GPR89B: variants seen among roughly 807,000 people sequenced by gnomAD.
GPR89B encodes golgi pH regulator B, also known as G protein-coupled receptor 89B.
GPR89B carries 25 observed loss-of-function variants against 52.4 expected under a neutral mutation model. The observed-to-expected ratio is 0.48, with a 90% confidence interval of 0.35 to 0.67. The LOEUF (loss-of-function observed/expected upper bound fraction) is 0.67. Ranked by LOEUF, GPR89B falls within the 30% of genes least tolerant of loss-of-function variation. GPR89B has a pLI of 0.01. For missense variants in GPR89B, 146 were observed against 450.2 expected, an observed-to-expected ratio of 0.32 and a Z score of 6.11; for synonymous variants, 52 against 151.2, an observed-to-expected ratio of 0.34 and a Z score of 4.81.
intron 7 of GPR89B, among the ~76,000 whole-genome samples, chr1:147,961,977 G>A (rs1414691115): frequency 6.6e-6 from 1 of 151,666 alleles, no homozygotes; most frequent in African/African-American, 2.4e-5. Flanking sequence ...TGTACAGAAA[G>A]GCAAAATAAC....
chr1:147,978,205 G>C (rs1475949462), intron 10 of GPR89B, among the ~76,000 whole-genome samples: 6 of 151,918 alleles, frequency 3.9e-5, no homozygotes, highest in African/African-American at 1.5e-4. Context: ...TGTTGTTGTT[G>C]TTGCTTTCTG....
the GPR89B span, chr1:148,009,411 G>A: frequency 6.2e-7 from 1 of 1,611,632 alleles, no homozygotes; most frequent in South Asian, 1.1e-5. Flanking sequence ...CCGGGGCTGG[G>A]TCCAAGTTTG....
chr1:147,992,698 A>G lies in GPR89B; in HGVS notation c.1162-13A>G. 6 of 1,381,618 alleles carry G rather than the reference A, an allele frequency of 4.3e-6. No individual in the cohort carries two copies. The highest frequency in any genetic ancestry group is 6.2e-6 in the Non-Finnish European group (6 of 974,886). 85.6% of individuals were successfully genotyped at this position (1,381,618 alleles called of 1,614,324 possible). On this transcript the variant is annotated splice_polypyrimidine_tract_variant and intron_variant, in intron 13 of 13. Coordinates refer to ENST00000314163, the MANE Select transcript of GPR89B (RefSeq NM_016334.5). ...TTCAGAGTCACTTCTGGATTAATTC[A>G]TTTGACTTACAGGGCATGTACTTTG...
chr1:148,009,736 C>T, the GPR89B span: 4 of 928,116 alleles, frequency 4.3e-6, no homozygotes, highest in Non-Finnish European at 6.6e-6. Context: ...AGTTCCTCAG[C>T]CACCTCCATC....
the GPR89B span, among the ~76,000 whole-genome samples, chr1:148,001,885 A>T: frequency 1.3e-5 from 2 of 152,170 alleles, no homozygotes; most frequent in East Asian, 3.9e-4. Flanking sequence ...GTCATAAAAG[A>T]TGGGGAAGAA....
chr1:147,940,248 A>G (rs28575428), intron 3 of GPR89B, among the ~76,000 whole-genome samples: 2,514 of 151,694 alleles, frequency 0.017, 78 homozygotes, highest in Middle Eastern at 0.041. Flanking sequence ...CTAAAAATAC[A>G]AAAAATTAGC....
intron 8 of GPR89B, chr1:147,968,581 A>G (rs1657198243): frequency 4.0e-6 from 2 of 494,784 alleles, no homozygotes; most frequent in African/African-American, 2.0e-5. Context: ...ATTTGACTTA[A>G]TCTAACTAGA....
chr1:147,990,872 T>C (rs1659015246), intron 12 of GPR89B, among the ~76,000 whole-genome samples: 1 of 151,556 alleles, frequency 6.6e-6, no homozygotes. Context: ...TAGCTTGAAG[T>C]CAGGTAGCGT....
In GPR89B at chr1:147,944,991, C is replaced by G. The variant is rs587740435; in HGVS notation, c.415+893C>G. Reference sequence around the variant, plus strand: ...AGAATCTACTGTAACTAATTTAAAGCAGAAAGTGATTAATTATACAGTATC... The same window carrying G: ...AGAATCTACTGTAACTAATTTAAAGGAGAAAGTGATTAATTATACAGTATC... On this transcript the variant is annotated intron_variant, in intron 5 of 13. Coordinates refer to ENST00000314163, the MANE Select transcript of GPR89B (RefSeq NM_016334.5). Among the ~76,000 whole-genome samples, 170 of 151,124 alleles carry G rather than the reference C, an allele frequency of 1.1e-3. 4 individuals carry two copies. The East Asian group carries it at 0.027, about 24-fold the overall frequency.
the GPR89B span, among the ~76,000 whole-genome samples, chr1:148,006,909 G>A: frequency 6.6e-6 from 1 of 150,420 alleles, no homozygotes; most frequent in African/African-American, 2.4e-5. Flanking sequence ...TAGAGATGGG[G>A]TTTCGCCATG....
At chr1:147,999,597 C>CAA in the GPR89B span, among the ~76,000 whole-genome samples, 4 of 107,512 alleles carry the variant, frequency 3.7e-5, no homozygotes. Context: ...GACAACGTCT[C>CAA]AAAAAAAAAA....
chr1:147,962,470 C>G (rs1656659281), intron 7 of GPR89B, among the ~76,000 whole-genome samples: 3 of 149,358 alleles, frequency 2.0e-5, no homozygotes, highest in African/African-American at 4.9e-5. Context: ...CACAAATACA[C>G]CCAGCTAATT....
intron 7 of GPR89B, among the ~76,000 whole-genome samples, chr1:147,957,549 C>G (rs1391508957): frequency 6.6e-6 from 1 of 152,028 alleles, no homozygotes; most frequent in Non-Finnish European, 1.5e-5. Context: ...ACGCCAGACA[C>G]TGTACTAGAT....
At chr1:147,995,970 C>T, downstream of GPR89B, 1 of 1,289,392 alleles carries the variant, frequency 7.8e-7, no homozygotes, top group South Asian at 1.2e-5. Context: ...AGATGAGGAG[C>T]TCAAGAATTT....
At chr1:147,994,287 A>C (rs1387609332), downstream of GPR89B, 10 of 1,566,422 alleles carry the variant, frequency 6.4e-6, no homozygotes, top group Admixed American at 1.5e-4. Context: ...AGCCAAAGCT[A>C]TTACTTGTTT....
At chr1:147,986,418 T>C in intron 11 of GPR89B, 124 bp downstream of exon 11, 1 of 794,320 alleles carries the variant, frequency 1.3e-6, no homozygotes. Flanking sequence ...TCCCACTCTG[T>C]ATATTTTGAC....
chr1:147,950,478 C>T (rs1393387125), intron 5 of GPR89B, among the ~76,000 whole-genome samples: 5 of 151,754 alleles, frequency 3.3e-5, no homozygotes, highest in African/African-American at 9.7e-5. Context: ...GGGCTCCTCA[C>T]GTCCCAGACG....
intron 12 of GPR89B, among the ~76,000 whole-genome samples, chr1:147,991,360 G>A (rs1659054348): frequency 1.3e-5 from 2 of 152,178 alleles, no homozygotes; most frequent in Admixed American, 1.3e-4. Flanking sequence ...TGAGACGATG[G>A]GGTTTTCTAT....
intron 9 of GPR89B, chr1:147,969,299 G>C (rs1657252041): frequency 3.1e-6 from 1 of 319,586 alleles, no homozygotes; most frequent in Non-Finnish European, 5.8e-6. Context: ...AATATTATAA[G>C]AGCAGTAGAC....
Sources: gnomAD v4.1 joint callset for allele counts (sites outside exome capture counted in the v4.1 genomes callset) on GRCh38, gnomAD v4.1.1 for gene constraint, MANE v1.5 for transcripts, NCBI Gene and HGNC (gene_info 2026-07-23, HGNC 2026-07-21) for gene names.